Variants in EZH1 observed in about 807,000 individuals in gnomAD.
The protein encoded by EZH1 is enhancer of zeste 1 polycomb repressive complex 2 subunit, also known as histone-lysine N-methyltransferase EZH1.
Under a neutral mutation model 100.5 loss-of-function variants are expected in EZH1, and 33 were observed. That is an observed-to-expected ratio of 0.33 (90% CI 0.25 to 0.44). The LOEUF is 0.44. Among genes scored for constraint, EZH1 ranks in the 20% least tolerant of loss-of-function variants. The pLI is 1.00. For missense variants in EZH1, 475 were observed against 928.4 expected (o/e 0.51, Z 6.35); for synonymous variants, 272 against 313.8 (o/e 0.87, Z 1.41).
At chr17:42,722,098 G>A (rs1370431648) in intron 6 of EZH1, among the ~76,000 whole-genome samples, 9 of 146,164 alleles carry the variant, frequency 6.2e-5, no homozygotes, top group Non-Finnish European at 1.2e-4. Context: ...ACAGTGAGCC[G>A]AGATTGTGCC....
At chr17:42,732,490 C>T (rs2053969987) in intron 1 of EZH1, among the ~76,000 whole-genome samples, 1 of 151,746 alleles carries the variant, frequency 6.6e-6, no homozygotes, top group Non-Finnish European at 1.5e-5. Flanking sequence ...AAACATCGGC[C>T]GGGCGCGGTG....
intron 1 of EZH1, among the ~76,000 whole-genome samples, chr17:42,736,549 T>C (rs1042118789): frequency 2.6e-5 from 4 of 152,194 alleles, no homozygotes; most frequent in African/African-American, 4.8e-5. Flanking sequence ...TAAAAGACTA[T>C]GCTGGTTGAG....
chr17:42,713,231 A>G lies in EZH1; in HGVS notation c.1182T>C (p.Asn394=), dbSNP rs1419998560. 6.2e-7 allele frequency: 1 copy of G among 1,613,448 alleles called. No homozygotes were observed. The highest frequency in any genetic ancestry group is 1.3e-5 in the African/African-American group (1 of 74,884). ...KEGDSDRDTG[N]DWASSSSEAN... ...TACCTGAAGAACTGGAGGCCCAGTC[A>G]TTGCCTGTGTCCCTGTCACTGTCTC... is the stretch of plus-strand genomic sequence containing the variant. Residue 394 remains asparagine (N), a synonymous_variant, in exon 11 of 21, where the codon AAT becomes AAC. Coordinates refer to ENST00000428826, the MANE Select transcript of EZH1 (RefSeq NM_001991.5).
intron 1 of EZH1, among the ~76,000 whole-genome samples, chr17:42,739,770 A>C (rs982034028): frequency 1.3e-5 from 2 of 152,144 alleles, no homozygotes; most frequent in African/African-American, 4.8e-5. Context: ...AATGGTAACA[A>C]AAATCTAAAC....
At chr17:42,709,476 C>T (rs943949401) in intron 13 of EZH1, 20 of 192,738 alleles carry the variant, frequency 1.0e-4, no homozygotes, top group Admixed American at 2.7e-4. Flanking sequence ...AGAAAAACAA[C>T]ACAAACCAAA....
At chr17:42,713,469 TACA>T in intron 10 of EZH1, 80 bp from the exon 11 acceptor site, 1 of 1,310,354 alleles carries the variant, frequency 7.6e-7, no homozygotes, top group Non-Finnish European at 1.0e-6. Context: ...CTTTCATCTT[TACA>T]ACATCTGTCT....
chr17:42,728,634 C>T (rs1346089609), intron 3 of EZH1, among the ~76,000 whole-genome samples, 191 bp downstream of exon 3: 1 of 150,246 alleles, frequency 6.7e-6, no homozygotes, highest in African/African-American at 2.4e-5. Context: ...CCCAGCTAAT[C>T]GGGAGGCTGA....
intron 15 of EZH1, 100 bp downstream of exon 15, chr17:42,707,857 CA>C: frequency 7.1e-7 from 1 of 1,415,304 alleles, no homozygotes; most frequent in African/African-American, 1.4e-5. Flanking sequence ...AAGGGGATAT[CA>C]GAAGGCCATA....
chr17:42,727,817 A>G (rs1239601655), intron 3 of EZH1, 54 bp from the exon 4 acceptor site: 15 of 1,257,246 alleles, frequency 1.2e-5, no homozygotes, highest in Non-Finnish European at 1.3e-5. Context: ...TAATTAATTA[A>G]TAATTTATTT....
Position 42,724,404 on chromosome 17 carries a change from G to A in EZH1, c.267C>T (p.Phe89=). ...ACATATGTTGGCTTGCAAATCCCGG[G>A]AAAATGCTCTCTATGGTACACTGAA... The part of the protein sequence containing the change: ...FLKKCTIESI[F]PGFASQHMLM... The change falls in exon 5 of 21, where the codon TTC becomes TTT. Residue 89 remains phenylalanine, a synonymous_variant. Coordinates refer to ENST00000428826, the MANE Select transcript of EZH1 (RefSeq NM_001991.5). 3 of 1,613,980 alleles carry A rather than the reference G, an allele frequency of 1.9e-6. No homozygotes were observed. Among genetic ancestry groups the A allele is most frequent in the Non-Finnish European group, 2.5e-6 (3 of 1,179,932 alleles).
At chr17:42,713,654 G>A (rs896060586) in intron 10 of EZH1, among the ~76,000 whole-genome samples, 3 of 152,144 alleles carry the variant, frequency 2.0e-5, no homozygotes, top group African/African-American at 7.2e-5. Context: ...CCAGGATGGA[G>A]TGCAGAGGCC....
At chr17:42,736,424 G>A (rs1473930495) in intron 1 of EZH1, among the ~76,000 whole-genome samples, 1 of 152,154 alleles carries the variant, frequency 6.6e-6, no homozygotes, top group African/African-American at 2.4e-5. Context: ...TCAATGGATT[G>A]GCTAATGGAT....
Position 42,745,030 on chromosome 17 carries a change from G to A in EZH1, c.-122C>T, listed in dbSNP as rs979692096. ...ACTCACCCTCCATCCCGAGCCGCGG[G>A]TCCCGCTGCTAGGACGCATGCGCGC... On this transcript the variant is annotated 5_prime_UTR_variant, in exon 1 of 21. Transcript: ENST00000428826. The A allele has an allele frequency of 4.7e-6, 6 of 1,271,946 alleles. No individual in the cohort carries two copies. The highest frequency in any genetic ancestry group is 3.1e-5 in the African/African-American group (2 of 64,040). The allele number at this position is 1,271,946 out of a possible 1,614,324, so 78.8% of individuals were successfully genotyped here.
At chr17:42,703,137 ATTATCT>A in intron 19 of EZH1, 176 bp from the exon 20 acceptor site, 1 of 587,838 alleles carries the variant, frequency 1.7e-6, no homozygotes, top group Non-Finnish European at 3.0e-6. Flanking sequence ...TGGCAGAAAA[ATTATCT>A]TTATTATTAT....
intron 1 of EZH1, among the ~76,000 whole-genome samples, chr17:42,744,289 G>A (rs1393430193): frequency 6.6e-6 from 1 of 152,162 alleles, no homozygotes; most frequent in East Asian, 1.9e-4. Context: ...CACCTTGTCT[G>A]TGCTTCAAGG....
chr17:42,715,484 C>A (rs921196561), intron 10 of EZH1, among the ~76,000 whole-genome samples: 1 of 151,778 alleles, frequency 6.6e-6, no homozygotes, highest in Non-Finnish European at 1.5e-5. Flanking sequence ...TAGGCTCAAG[C>A]TATCCACATG....
chr17:42,744,726 C>A (rs1382867526), intron 1 of EZH1, among the ~76,000 whole-genome samples: 3 of 151,984 alleles, frequency 2.0e-5, no homozygotes, highest in Non-Finnish European at 4.4e-5. Flanking sequence ...CGCCATCCAA[C>A]GGGATTCCCC....
chr17:42,704,532 A>G, intron 18 of EZH1, 70 bp downstream of exon 18: 2 of 1,289,196 alleles, frequency 1.6e-6, no homozygotes, highest in Non-Finnish European at 2.2e-6. Context: ...TGGGCAACAG[A>G]GCAAGACTCC....
chr17:42,727,523 G>T, intron 4 of EZH1, 112 bp downstream of exon 4: 1 of 1,301,830 alleles, frequency 7.7e-7, no homozygotes, highest in Non-Finnish European at 1.0e-6. Context: ...GAATACTTGT[G>T]TGAGCCACCA....
Sources: gnomAD v4.1 joint callset for allele counts (sites outside exome capture counted in the v4.1 genomes callset) on GRCh38, gnomAD v4.1.1 for gene constraint, MANE v1.5 for transcripts, NCBI Gene and HGNC (gene_info 2026-07-23, HGNC 2026-07-21) for gene names.